Variants in SLIT3 observed in about 807,000 individuals in gnomAD.
SLIT3 encodes slit guidance ligand 3.
SLIT3 carries 68 observed loss-of-function variants against 184.0 expected under a neutral mutation model. That is an observed-to-expected ratio of 0.37 (90% CI 0.30 to 0.45). SLIT3 has a LOEUF of 0.45. Ranked by LOEUF, SLIT3 falls within the 20% of genes least tolerant of loss-of-function variation. The probability of loss-of-function intolerance (pLI) is 1.00; values close to 1 mark genes in which losing one functional copy is unlikely to be tolerated. For missense variants in SLIT3, 1,707 were observed against 2,026.0 expected (o/e 0.84, Z 3.02); for synonymous variants, 831 against 828.6 (o/e 1.00, Z -0.05).
intron 4 of SLIT3, among the ~76,000 whole-genome samples, chr5:169,059,568 G>A (rs73312297): frequency 1.0e-3 from 158 of 152,196 alleles, no homozygotes; most frequent in African/African-American, 3.3e-3. Context: ...AGCCTCAAAC[G>A]GGCCTCTTCC....
At chr5:168,882,274 A>T (rs1759981682) in intron 5 of SLIT3, among the ~76,000 whole-genome samples, 1 of 151,974 alleles carries the variant, frequency 6.6e-6, no homozygotes, top group South Asian at 2.1e-4. Flanking sequence ...CTTCTTCCCT[A>T]CCCCTCTCCA....
At chr5:169,071,632 G>C (rs57138102) in intron 4 of SLIT3, among the ~76,000 whole-genome samples, 1 of 152,118 alleles carries the variant, frequency 6.6e-6, no homozygotes, top group Non-Finnish European at 1.5e-5. Flanking sequence ...CTCCACTTCA[G>C]GGGAGTTTTT....
intron 6 of SLIT3, among the ~76,000 whole-genome samples, chr5:168,824,008 G>A (rs140056356): frequency 1.6e-3 from 251 of 152,292 alleles, no homozygotes; most frequent in African/African-American, 5.8e-3. Context: ...GAGTGCAGTG[G>A]CACGATCTCA....
chr5:168,794,839 T>C (rs181495484), intron 10 of SLIT3, among the ~76,000 whole-genome samples: 12 of 152,296 alleles, frequency 7.9e-5, no homozygotes, highest in African/African-American at 2.4e-4. Context: ...CCTGGGACAG[T>C]CTTTCCTGAG....
At chr5:168,784,600 A>C (rs970211722) in intron 12 of SLIT3, among the ~76,000 whole-genome samples, 12 of 152,186 alleles carry the variant, frequency 7.9e-5, no homozygotes, top group Non-Finnish European at 4.4e-5. Context: ...GTCTTAAAGG[A>C]CATGGGAAGG....
intron 4 of SLIT3, among the ~76,000 whole-genome samples, chr5:169,159,292 G>A (rs1464546592): frequency 1.3e-5 from 2 of 152,184 alleles, no homozygotes; most frequent in African/African-American, 4.8e-5. Context: ...CATGCATGGT[G>A]GCACATGCCT....
At chr5:168,764,548 T>C (rs915356064) in intron 14 of SLIT3, among the ~76,000 whole-genome samples, 4 of 152,194 alleles carry the variant, frequency 2.6e-5, no homozygotes, top group Non-Finnish European at 5.9e-5. Flanking sequence ...TAGTGGGCTA[T>C]GGTGGTGAAG....
At chr5:169,128,506 A>G (rs1451846683) in intron 4 of SLIT3, among the ~76,000 whole-genome samples, 1 of 151,982 alleles carries the variant, frequency 6.6e-6, no homozygotes, top group Non-Finnish European at 1.5e-5. Context: ...TTGGCTCACC[A>G]CAACCTGCGC....
At chr5:169,125,239 G>T (rs1208751912) in intron 4 of SLIT3, among the ~76,000 whole-genome samples, 1 of 152,018 alleles carries the variant, frequency 6.6e-6, no homozygotes, top group Non-Finnish European at 1.5e-5. Context: ...GTAGAGATGG[G>T]GTTTCACCAT....
At chr5:168,767,014 G>C (rs1263284832) in intron 14 of SLIT3, among the ~76,000 whole-genome samples, 1 of 152,224 alleles carries the variant, frequency 6.6e-6, no homozygotes, top group Non-Finnish European at 1.5e-5. Flanking sequence ...AGCCATTCTG[G>C]AATCAGATGA....
At chr5:169,154,258 C>T (rs553592936) in intron 4 of SLIT3, among the ~76,000 whole-genome samples, 1 of 152,358 alleles carries the variant, frequency 6.6e-6, no homozygotes, top group African/African-American at 2.4e-5. Context: ...CCGTGCCTGG[C>T]CGATGCTGCC....
At chr5:168,885,870 A>G (rs1161136366) in intron 4 of SLIT3, among the ~76,000 whole-genome samples, 1 of 152,202 alleles carries the variant, frequency 6.6e-6, no homozygotes, top group East Asian at 1.9e-4. Context: ...CTGATTTGCA[A>G]TACGGTGGGA....
At chr5:168,912,126 C>T (rs1224018627) in intron 4 of SLIT3, among the ~76,000 whole-genome samples, 2 of 152,198 alleles carry the variant, frequency 1.3e-5, no homozygotes, top group South Asian at 2.1e-4. Context: ...TATGATGACC[C>T]ACTTCCATTT....
chr5:169,244,922 A>G (rs1765536988), intron 2 of SLIT3, 146 bp from the exon 3 acceptor site: 2 of 707,060 alleles, frequency 2.8e-6, no homozygotes, highest in Admixed American at 4.6e-5. Flanking sequence ...ATGGGACAAG[A>G]TAACTCATAT....
chr5:168,671,088 G>T, intron 34 of SLIT3, 110 bp downstream of exon 34: 1 of 1,241,958 alleles, frequency 8.1e-7, no homozygotes, highest in Non-Finnish European at 1.1e-6. Flanking sequence ...CCTATCTGCG[G>T]TCTGACTGCA....
intron 6 of SLIT3, among the ~76,000 whole-genome samples, chr5:168,843,310 C>A (rs1213232778): frequency 6.6e-6 from 1 of 152,150 alleles, no homozygotes; most frequent in Non-Finnish European, 1.5e-5. Flanking sequence ...GAGGGAGGAC[C>A]TTTCACTCAT....
intron 4 of SLIT3, among the ~76,000 whole-genome samples, chr5:169,056,250 G>T (rs996827067): frequency 1.3e-5 from 2 of 152,170 alleles, no homozygotes; most frequent in Non-Finnish European, 2.9e-5. Context: ...AAGCTCAGTG[G>T]ATGAGGACAG....
chr5:169,228,130 G>A (rs1442092299), intron 3 of SLIT3, among the ~76,000 whole-genome samples: 1 of 152,132 alleles, frequency 6.6e-6, no homozygotes, highest in Non-Finnish European at 1.5e-5. Context: ...TCTCTGGTGT[G>A]TACATATATC....
intron 4 of SLIT3, among the ~76,000 whole-genome samples, chr5:169,010,959 G>A (rs1244801786): frequency 6.6e-6 from 1 of 151,218 alleles, no homozygotes; most frequent in Admixed American, 6.6e-5. Context: ...ACAGTATGAA[G>A]CCCCTTCACA....
Sources: allele counts gnomAD v4.1 joint callset (sites outside exome capture counted in the v4.1 genomes callset), GRCh38; gene constraint gnomAD v4.1.1; transcripts MANE v1.5; gene names NCBI Gene and HGNC (gene_info 2026-07-23, HGNC 2026-07-21).